SLC22A2: variants seen among roughly 807,000 people sequenced by gnomAD.
SLC22A2 encodes solute carrier family 22 member 2, also known as organic cation transporter 2.
A neutral mutation model predicts 60.5 loss-of-function variants in SLC22A2; 46 were observed. The observed-to-expected ratio is 0.76, with a 90% CI of 0.60 to 0.97. The LOEUF (loss-of-function observed/expected upper bound fraction) is 0.97. SLC22A2 is among the 50% of genes least tolerant of loss of function. SLC22A2 has a pLI of 0.00. For synonymous variants in SLC22A2, 303 were observed against 267.0 expected (o/e 1.13, Z -1.31); for missense variants, 701 against 706.6 (o/e 0.99, Z 0.09).
At chr6:160,254,804 T>C (rs1583402060) in intron 2 of SLC22A2, among the ~76,000 whole-genome samples, 1 of 152,208 alleles carries the variant, frequency 6.6e-6, no homozygotes, top group East Asian at 1.9e-4. Context: ...TGAGATCATC[T>C]AAGAAGGTGG....
intron 1 of SLC22A2, 63 bp from the exon 2 acceptor site, chr6:160,256,780 C>G (rs1783279622): frequency 1.8e-6 from 2 of 1,108,312 alleles, no homozygotes; most frequent in Non-Finnish European, 2.8e-6. Context: ...TGTTAGAATC[C>G]TGTTGGACAT....
chr6:160,218,974 A>G (rs1782595747), intron 10 of SLC22A2, among the ~76,000 whole-genome samples: 1 of 152,304 alleles, frequency 6.6e-6, no homozygotes, highest in African/African-American at 2.4e-5. Flanking sequence ...CAGCAGCAGC[A>G]GCAATCATTA....
intron 9 of SLC22A2, among the ~76,000 whole-genome samples, chr6:160,238,182 C>T (rs1252075410): frequency 2.0e-5 from 3 of 152,234 alleles, no homozygotes; most frequent in Non-Finnish European, 2.9e-5. Context: ...CAAGAACCCT[C>T]TCTTGGGGTC....
chr6:160,225,070 A>G (rs530631846), intron 9 of SLC22A2, among the ~76,000 whole-genome samples: 1 of 152,310 alleles, frequency 6.6e-6, no homozygotes, highest in South Asian at 2.1e-4. Flanking sequence ...TTGCCACCAT[A>G]TTAAGATACT....
chr6:160,255,863 G>A (rs954620466), intron 2 of SLC22A2, among the ~76,000 whole-genome samples: 4 of 152,142 alleles, frequency 2.6e-5, no homozygotes, highest in African/African-American at 9.7e-5. Flanking sequence ...GTCATCAAGA[G>A]AGCAAAGCTG....
rs758163876 is a variant in SLC22A2, at chr6:160,249,193, C to T, written c.842+23G>A. On this transcript the variant is annotated intron_variant, in intron 4 of 10. Transcript: ENST00000366953. Reference sequence around the variant, plus strand: ...AGAATAAAATACTTTGATTTATTTCCTTTTTATTCCAAATGGACTTACCAG... The same window carrying T: ...AGAATAAAATACTTTGATTTATTTCTTTTTTATTCCAAATGGACTTACCAG... 2.6e-6 allele frequency: 4 copies of T among 1,516,860 alleles called. No individual in the cohort carries two copies. In the South Asian group the frequency reaches 4.8e-5, roughly 18 times the overall value. The allele number at this position is 1,516,860 out of a possible 1,614,324, so 94.0% of individuals were successfully genotyped here. A position where few individuals can be genotyped will look rare whatever the true frequency, so the allele number is the denominator to read the frequency against.
At chr6:160,242,240 G>T in intron 8 of SLC22A2, 54 bp downstream of exon 8, 3 of 952,404 alleles carry the variant, frequency 3.1e-6, no homozygotes, top group Non-Finnish European at 5.2e-6. Context: ...GGTGGTTCCA[G>T]CCAATGAACA....
chr6:160,217,638 TG>T (rs1782562279), intron 10 of SLC22A2, 140 bp from the exon 11 acceptor site: 1 of 587,586 alleles, frequency 1.7e-6, no homozygotes, highest in South Asian at 2.2e-5. Context: ...GTGTTCTGAG[TG>T]GTGGTTCTCA....
chr6:160,225,157 T>C (rs555365880), intron 9 of SLC22A2, among the ~76,000 whole-genome samples: 1 of 152,276 alleles, frequency 6.6e-6, no homozygotes, highest in East Asian at 1.9e-4. Context: ...TTAAATCACT[T>C]AGTAAGGAAA....
chr6:160,226,769 C>T (rs766643022), intron 9 of SLC22A2, among the ~76,000 whole-genome samples: 2 of 152,050 alleles, frequency 1.3e-5, no homozygotes, highest in Admixed American at 6.6e-5. Flanking sequence ...AAATAAAATT[C>T]GGAGATCCCC....
In SLC22A2 at chr6:160,245,451, A is replaced by C. The variant is rs45599131; in HGVS notation, c.1052T>G (p.Leu351Trp). The change falls in exon 6 of 11, where the codon TTG becomes TGG. Residue 351 changes from leucine (L) to tryptophan (W), a missense_variant. By Grantham distance (61) the Leu-to-Trp change is moderately conservative. Transcript: ENST00000366953. ...TPQIRKHTMI[L>W]MYNWFTSSVL... ...AAATATTCCTTACCAGTTGTACATCAATATCATAGTATGTTTCCTTATCTG... is the reference window on the plus strand; with the variant it reads ...AAATATTCCTTACCAGTTGTACATCCATATCATAGTATGTTTCCTTATCTG... 6.4e-7 allele frequency: 1 copy of C among 1,569,100 alleles called. No individual in the cohort carries two copies. Among genetic ancestry groups the C allele is most frequent in the Non-Finnish European group, 8.7e-7 (1 of 1,144,634 alleles).
rs191284121 is a variant in SLC22A2, at chr6:160,252,766, C to A, written c.519-2064G>T. ...ATCAGAATCTGAATTTTAGCAAGAT[C>A]CCCAGGAGATTTATATGCAACTTAG... On this transcript the variant is annotated intron_variant, in intron 2 of 10. Coordinates refer to ENST00000366953, the MANE Select transcript of SLC22A2 (RefSeq NM_003058.4). Among the ~76,000 whole-genome samples, 74 of 152,264 alleles carry A rather than the reference C, an allele frequency of 4.9e-4. 1 individual carries two copies. The East Asian group carries it at 0.014, about 28-fold the overall frequency.
intron 9 of SLC22A2, among the ~76,000 whole-genome samples, chr6:160,230,519 A>T (rs531651284): frequency 6.6e-6 from 1 of 151,998 alleles, no homozygotes; most frequent in African/African-American, 2.4e-5. Flanking sequence ...AGCTCCTGAC[A>T]TTAGAATAAA....
At chr6:160,235,150 A>G (rs373815550) in intron 9 of SLC22A2, among the ~76,000 whole-genome samples, 1 of 152,200 alleles carries the variant, frequency 6.6e-6, no homozygotes, top group Admixed American at 6.5e-5. Context: ...CAAGGAATTA[A>G]AGTGGATAGA....
At chr6:160,243,241 G>C (rs1327567461) in intron 7 of SLC22A2, among the ~76,000 whole-genome samples, 2 of 152,110 alleles carry the variant, frequency 1.3e-5, no homozygotes, top group African/African-American at 4.8e-5. Context: ...AGAGTCCCCA[G>C]TTAACACCCA....
At chr6:160,224,866 G>T in intron 9 of SLC22A2, 62 bp from the exon 10 acceptor site, 2 of 969,390 alleles carry the variant, frequency 2.1e-6, no homozygotes, top group South Asian at 2.1e-5. Context: ...TATAATTAGA[G>T]TTTCCCTTAT....
chr6:160,238,883 G>T (rs112764223), intron 9 of SLC22A2, among the ~76,000 whole-genome samples: 5 of 152,196 alleles, frequency 3.3e-5, no homozygotes, highest in African/African-American at 1.2e-4. Flanking sequence ...ACATGAAGTT[G>T]TCAAAGTTGT....
At chr6:160,237,572 C>A (rs1487197497) in intron 9 of SLC22A2, among the ~76,000 whole-genome samples, 1 of 152,086 alleles carries the variant, frequency 6.6e-6, no homozygotes, top group Non-Finnish European at 1.5e-5. Flanking sequence ...ATATCATCAC[C>A]CTTAATCAGA....
At chr6:160,224,860 A>G (rs557820445) in intron 9 of SLC22A2, 56 bp from the exon 10 acceptor site, 16 of 1,019,706 alleles carry the variant, frequency 1.6e-5, no homozygotes, top group Middle Eastern at 4.4e-4. Flanking sequence ...AAGGTCTATA[A>G]TTAGAGTTTC....
Sources: allele counts gnomAD v4.1 joint callset (sites outside exome capture counted in the v4.1 genomes callset), GRCh38; gene constraint gnomAD v4.1.1; transcripts MANE v1.5; gene names NCBI Gene and HGNC (gene_info 2026-07-23, HGNC 2026-07-21).